The following INTS8 variants were observed in gnomAD, a reference collection of about 807,000 sequenced individuals.
INTS8 encodes the protein integrator complex subunit 8.
INTS8 carries 47 observed loss-of-function variants against 138.9 expected under a neutral mutation model. The observed-to-expected ratio is 0.34, with a 90% CI of 0.27 to 0.43. INTS8 has a LOEUF of 0.43. INTS8 is among the 20% of genes least tolerant of loss of function. The pLI is 1.00. For missense variants in INTS8, 996 were observed against 1,173.0 expected, an observed-to-expected ratio of 0.85 and a Z score of 2.20; for synonymous variants, 392 against 400.9, an observed-to-expected ratio of 0.98 and a Z score of 0.27.
At chr8:94,838,754 G>A in intron 8 of INTS8, 136 bp downstream of exon 8, 3 of 608,310 alleles carry the variant, frequency 4.9e-6, no homozygotes, top group East Asian at 2.7e-5. Flanking sequence ...GTAACATAAT[G>A]GTAATAATTA....
Position 94,823,525 on chromosome 8 carries a change from T to G in INTS8, c.94T>G (p.Ser32Ala), listed in dbSNP as rs202080432. ...TCWFEFLLEE[S>A]LLEKHLRKPC... ...CTGGTTTGAGTTTCTGCTGGAGGAGTCACTGTTGGAGAAACATCTGCGCAA... is the reference window on the plus strand; with the variant it reads ...CTGGTTTGAGTTTCTGCTGGAGGAGGCACTGTTGGAGAAACATCTGCGCAA... Residue 32 changes from serine to alanine, a missense_variant, in exon 1 of 27, where the codon TCA (serine) becomes GCA (alanine). Ser to Ala is a moderately conservative substitution (Grantham distance 99). Transcript: ENST00000523731. The G allele has an allele frequency of 1.9e-6, 3 of 1,577,228 alleles. No homozygotes were observed. The highest frequency in any genetic ancestry group is 2.3e-5 in the East Asian group (1 of 43,232).
chr8:94,876,344 T>C, intron 25 of INTS8, 59 bp downstream of exon 25: 3 of 1,435,192 alleles, frequency 2.1e-6, no homozygotes, highest in Non-Finnish European at 2.9e-6. Context: ...ATTAAAGGAA[T>C]ATTTAATATT....
chr8:94,879,614 AC>A (rs66553687), intron 26 of INTS8, among the ~76,000 whole-genome samples: 40 of 109,512 alleles, frequency 3.7e-4, no homozygotes, highest in East Asian at 5.7e-4. Flanking sequence ...CAAAAAACAA[AC>A]AAAAAAAAAC....
rs751807833 is a variant in INTS8, at chr8:94,825,017, T to A, written c.255T>A (p.Ala85=). ...NKRNRILKLL[A]LKVAAHLKWD... The stretch of plus-strand genomic sequence containing the variant: ...GAAATCGTATTTTAAAACTACTTGC[T>A]CTTAAAGTTGCTGCACATTTGAAGT... The change falls in exon 2 of 27, where the codon GCT becomes GCA. Residue 85 remains alanine (A), a synonymous_variant. Transcript: ENST00000523731. 1 of 1,612,402 alleles carries A rather than the reference T, an allele frequency of 6.2e-7. No homozygotes were observed. Among genetic ancestry groups the A allele is most frequent in the Non-Finnish European group, 8.5e-7 (1 of 1,178,658 alleles).
chr8:94,858,203 A>G (rs986388505), intron 15 of INTS8, among the ~76,000 whole-genome samples: 2 of 152,230 alleles, frequency 1.3e-5, no homozygotes, highest in South Asian at 4.1e-4. Context: ...TTAATAGTAT[A>G]AACAGTGGAA....
intron 16 of INTS8, 69 bp downstream of exon 16, chr8:94,859,701 A>G (rs768593745): frequency 5.2e-5 from 64 of 1,228,518 alleles, no homozygotes; most frequent in Admixed American, 1.1e-4. Context: ...ACTTTATACT[A>G]CTTTGGGAAC....
At chr8:94,868,202 A>G (rs1341006387) in intron 20 of INTS8, among the ~76,000 whole-genome samples, 1 of 151,980 alleles carries the variant, frequency 6.6e-6, no homozygotes, top group Non-Finnish European at 1.5e-5. Context: ...AATCATGTAC[A>G]TTTTTCTTTT....
At chr8:94,839,584 T>A (rs1472924420) in intron 8 of INTS8, among the ~76,000 whole-genome samples, 2 of 152,342 alleles carry the variant, frequency 1.3e-5, no homozygotes, top group African/African-American at 4.8e-5. Flanking sequence ...TGGCCCTTTT[T>A]AAAAGTATTG....
chr8:94,866,782 C>CTT lies in INTS8; in HGVS notation c.2296-357_2296-356dup, dbSNP rs544233734. On this transcript the variant is annotated intron_variant, in intron 18 of 26. Transcript: ENST00000523731. ...GTGTGAAGCCTGGCTTTAATTTTTGCTTAGTAGGATCAATGTCATATTTAC... is the reference window on the plus strand; with the variant it reads ...GTGTGAAGCCTGGCTTTAATTTTTGCTTTTAGTAGGATCAATGTCATATTTAC... 176 of 201,100 alleles carry CTT rather than the reference C, an allele frequency of 8.8e-4. 1 individual carries two copies. Among genetic ancestry groups the CTT allele is most frequent in the African/African-American group, 3.8e-3 (164 of 43,054 alleles). 12.5% of individuals were successfully genotyped at this position (201,100 alleles called of 1,614,324 possible).
Position 94,849,477 on chromosome 8 carries a change from G to A in INTS8, c.1276G>A (p.Val426Ile), listed in dbSNP as rs941287865. 6.5e-7 allele frequency: 1 copy of A among 1,544,248 alleles called. No individual in the cohort carries two copies. Among genetic ancestry groups the A allele is most frequent in the African/African-American group, 1.4e-5 (1 of 72,454 alleles). Residue 426 changes from valine to isoleucine, a missense_variant, in exon 11 of 27, where the codon GTA becomes ATA. By Grantham distance (29) the Val-to-Ile change is conservative. Transcript: ENST00000523731. ...AAATTCCTAGGTATGTTCAAGATCA[G>A]TAAATTTAGAAAAAGCTTCAGAGTC... ...DFLLEVCSRS[V>I]NLEKASESLK...
chr8:94,866,232 T>A, intron 18 of INTS8, 41 bp downstream of exon 18: 1 of 1,006,430 alleles, frequency 9.9e-7, no homozygotes, highest in Non-Finnish European at 1.5e-6. Flanking sequence ...TATTGCTGGT[T>A]TTTGTAGAAT....
intron 16 of INTS8, among the ~76,000 whole-genome samples, chr8:94,861,437 A>G (rs1298714531): frequency 2.7e-5 from 4 of 147,732 alleles, no homozygotes; most frequent in African/African-American, 1.0e-4. Flanking sequence ...AATTTTTTGT[A>G]TTTTTAGTGG....
intron 12 of INTS8, 22 bp downstream of exon 12, chr8:94,850,113 C>T: frequency 1.3e-6 from 2 of 1,538,964 alleles, no homozygotes; most frequent in Non-Finnish European, 1.8e-6. Flanking sequence ...AGTCGGCCAG[C>T]CAAAATGTTG....
chr8:94,867,072 G>T, intron 18 of INTS8, 68 bp from the exon 19 acceptor site: 1 of 1,189,692 alleles, frequency 8.4e-7, no homozygotes, highest in Non-Finnish European at 1.2e-6. Context: ...TGTCTGTGAG[G>T]TTGACAGGAG....
chr8:94,869,193 C>T (rs1816295666), intron 20 of INTS8, among the ~76,000 whole-genome samples: 5 of 151,882 alleles, frequency 3.3e-5, no homozygotes, highest in Admixed American at 3.3e-4. Context: ...GTTGGTCAGG[C>T]TGGTCCCAAA....
chr8:94,838,350 C>A (rs1319336893), intron 7 of INTS8, 113 bp from the exon 8 acceptor site: 1 of 856,512 alleles, frequency 1.2e-6, no homozygotes, highest in Non-Finnish European at 1.8e-6. Context: ...GTGCCCAGCC[C>A]GGCTTGAATT....
At chr8:94,857,255 A>G (rs931026898) in intron 15 of INTS8, among the ~76,000 whole-genome samples, 3 of 151,854 alleles carry the variant, frequency 2.0e-5, no homozygotes, top group African/African-American at 7.3e-5. Flanking sequence ...GTATTTTTGT[A>G]GAGATGGGGT....
At chr8:94,828,287 C>T (rs113256336) in intron 4 of INTS8, among the ~76,000 whole-genome samples, 68 of 152,232 alleles carry the variant, frequency 4.5e-4, no homozygotes, top group African/African-American at 1.5e-3. Context: ...GTGATCCACC[C>T]GCCTTGGTCT....
At position 94,866,162 on chromosome 8, in the gene INTS8, G is replaced by C. The variant is rs1816169825; in HGVS notation, c.2266G>C (p.Glu756Gln). 7.8e-7 allele frequency: 1 copy of C among 1,283,488 alleles called. No homozygotes were observed. The highest frequency in any genetic ancestry group is 1.5e-5 in the African/African-American group (1 of 67,544). 79.5% of individuals were successfully genotyped at this position (1,283,488 alleles called of 1,614,324 possible). A position where few individuals can be genotyped will look rare whatever the true frequency, so the allele number is the denominator to read the frequency against. ...TCAAAAATTTTTGTTTTGTAGGAGT[G>C]AACTGCTTTCTTTTATCAAAAAATT... The part of the protein sequence containing the change: ...ESTLGIMYRS[E>Q]LLSFIKKLRE... The change falls in exon 18 of 27, where the codon GAA becomes CAA. Residue 756 changes from glutamate to glutamine, a missense_variant. Transcript: ENST00000523731.
Sources: gnomAD v4.1 joint callset for allele counts (sites outside exome capture counted in the v4.1 genomes callset) on GRCh38, gnomAD v4.1.1 for gene constraint, MANE v1.5 for transcripts, NCBI Gene and HGNC (gene_info 2026-07-23, HGNC 2026-07-21) for gene names.